Variants in ODC1 observed in about 807,000 individuals in gnomAD.
ODC1 encodes ornithine decarboxylase.
In ODC1, 18 loss-of-function variants were observed where a neutral mutation model predicts 41.5. The ratio of observed to expected loss-of-function variants is 0.43; its 90% CI spans 0.30 to 0.64. ODC1 has a LOEUF of 0.64. ODC1 is among the 30% of genes least tolerant of loss of function. The pLI is 0.11. For missense variants in ODC1, 504 were observed against 589.0 expected (o/e 0.86, Z 1.49); for synonymous variants, 218 against 211.6 (o/e 1.03, Z -0.26).
chr2:10,442,246 G>A, intron 8 of ODC1, 72 bp from the exon 9 acceptor site: 1 of 1,456,460 alleles, frequency 6.9e-7, no homozygotes, highest in Non-Finnish European at 9.3e-7. Flanking sequence ...TAACATCACA[G>A]GGCCTTGTGA....
intron 8 of ODC1, 36 bp from the exon 9 acceptor site, chr2:10,442,210 CA>C: frequency 1.3e-6 from 2 of 1,563,618 alleles, no homozygotes; most frequent in Non-Finnish European, 1.7e-6. Context: ...GAGCAGCCTT[CA>C]TTGTGGGAAA....
In ODC1 at chr2:10,443,474, G is replaced by A. The variant is rs1241770529; in HGVS notation, c.666+16C>T. ...GTTGTGTCCCGCCCTTCCCTAACAG[G>A]GTCACGTATACTCACCCCCATGTCA... On this transcript the variant is annotated intron_variant, in intron 7 of 11. Transcript: ENST00000234111. 1.2e-6 allele frequency: 2 copies of A among 1,611,018 alleles called. No homozygotes were observed. Among genetic ancestry groups the A allele is most frequent in the Admixed American group, 1.7e-5 (1 of 59,882 alleles).
rs1279117279 is a variant in ODC1 at position 10,445,279 on chromosome 2, A to G, written c.-127-15T>C. The stretch of plus-strand genomic sequence containing the variant: ...GCAGTGACAATCTGAGAAATAAAAT[A>G]GGGAATTTGCTGTCTACCTTAGGAA... On this transcript the variant is annotated splice_polypyrimidine_tract_variant and intron_variant, in intron 1 of 11. Transcript: ENST00000234111. 2 of 418,048 alleles carry G rather than the reference A, an allele frequency of 4.8e-6. No individual in the cohort carries two copies. The allele number at this position is 418,048 out of a possible 1,614,324, so 25.9% of individuals were successfully genotyped here.
intron 1 of ODC1, chr2:10,447,621 T>C (rs1201695781): frequency 6.6e-6 from 1 of 152,292 alleles, no homozygotes; most frequent in African/African-American, 2.4e-5. Context: ...ATCTTAGCTC[T>C]ACCCACTCTC....
In ODC1 at chr2:10,441,714, G is replaced by A; in HGVS notation, c.1036C>T (p.Pro346Ser). 6.2e-7 allele frequency: 1 copy of A among 1,614,156 alleles called. No homozygotes were observed. ...CTGGATGAATAATACTTCTCATCTGGTTTAGGTCTCTATATAAAGAGACGG... is the reference window on the plus strand; with the variant it reads ...CTGGATGAATAATACTTCTCATCTGATTTAGGTCTCTATATAAAGAGACGG... ...VKPLLQKRPKPDEKYYSSSIW... is the reference protein window; with the variant it reads ...VKPLLQKRPKSDEKYYSSSIW... The change falls in exon 11 of 12, where the codon CCA becomes TCA. Residue 346 changes from proline (P) to serine (S), a missense_variant. This residue lies in a region of ODC1 where 447 missense variants were observed against 524.4 expected (regional missense o/e 0.85). Transcript: ENST00000234111.
Position 10,441,832 on chromosome 2 carries a change from C to T in ODC1, c.1011G>A (p.Lys337=). The change falls in exon 10 of 12, where the codon AAG becomes AAA. Residue 337 remains lysine, a synonymous_variant. Transcript: ENST00000234111. ...CAGAAATTACCTTTTGCAGAAGGGG[C>T]TTTACATGTGCGTGGTCATAGAGTA... ...NCILYDHAHV[K]PLLQKRPKPD... 5 of 1,614,102 alleles carry T rather than the reference C, an allele frequency of 3.1e-6. No individual in the cohort carries two copies. The highest frequency in any genetic ancestry group is 4.2e-6 in the Non-Finnish European group (5 of 1,180,004).
At chr2:10,444,746 C>G in intron 3 of ODC1, 99 bp from the exon 4 acceptor site, 1 of 1,104,174 alleles carries the variant, frequency 9.1e-7, no homozygotes, top group Non-Finnish European at 1.3e-6. Context: ...ATGAATCCTG[C>G]TCTTTTGAGT....
At position 10,444,885 on chromosome 2, in the gene ODC1, C is replaced by T. The variant is rs375286431; in HGVS notation, c.102+46G>A. On this transcript the variant is annotated intron_variant, in intron 3 of 11. Coordinates refer to ENST00000234111, the MANE Select transcript of ODC1 (RefSeq NM_002539.3). ...AGACCTTGCCAAAGTTTTCCACTTG[C>T]CTGGCACTCTCAGCTGCACTGCCAG... The T allele has an allele frequency of 7.2e-6, 10 of 1,388,394 alleles. No individual in the cohort carries two copies. The African/African-American group carries it at 9.9e-5, about 14-fold the overall frequency. 86.0% of individuals were successfully genotyped at this position (1,388,394 alleles called of 1,614,324 possible). A position where few individuals can be genotyped will look rare whatever the true frequency, so the allele number is the denominator to read the frequency against.
At chr2:10,441,399 A>G in intron 11 of ODC1, 110 bp downstream of exon 11, 4 of 1,097,228 alleles carry the variant, frequency 3.6e-6, no homozygotes, top group Middle Eastern at 2.7e-4. Context: ...AAAAATATCC[A>G]TATATATTTA....
At position 10,444,508 on chromosome 2, in the gene ODC1, G is replaced by T. The variant is rs781109559; in HGVS notation, c.242C>A (p.Ala81Asp). 6.2e-7 allele frequency: 1 copy of T among 1,613,628 alleles called. No homozygotes were observed. The highest frequency in any genetic ancestry group is 1.7e-4 in the Middle Eastern group (1 of 5,826). The change falls in exon 4 of 12, where the codon GCT becomes GAT. Residue 81 changes from alanine to aspartate, a missense_variant. Physicochemically the swap from Ala to Asp is moderately radical, Grantham distance 126. Transcript: ENST00000234111. ...NDSKAIVKTL[A>D]ATGTGFDCAS... ...ACAGTCAAATCCTGTCCCGGTAGCA[G>T]CAAGGGTCTTCACGATGGCTTTGCT...
chr2:10,440,589 G>C lies in ODC1; in HGVS notation c.*135C>G, dbSNP rs1671787248. On this transcript the variant is annotated 3_prime_UTR_variant, in exon 12 of 12. Coordinates refer to ENST00000234111, the MANE Select transcript of ODC1 (RefSeq NM_002539.3). ...ACAGATAAGTGTGACCCATATCCTA[G>C]TCTTCCATATGGCTGCATCATGGCG... 2.6e-6 allele frequency: 2 copies of C among 775,070 alleles called. No homozygotes were observed. The highest frequency in any genetic ancestry group is 4.1e-6 in the Non-Finnish European group (2 of 489,042). 48.0% of individuals were successfully genotyped at this position (775,070 alleles called of 1,614,324 possible). A position where few individuals can be genotyped will look rare whatever the true frequency, so the allele number is the denominator to read the frequency against.
At chr2:10,444,707 G>A (rs1010581093) in intron 3 of ODC1, 60 bp from the exon 4 acceptor site, 2 of 1,447,408 alleles carry the variant, frequency 1.4e-6, no homozygotes, top group Non-Finnish European at 1.9e-6. Context: ...CACACCAATA[G>A]CCAGCGACCT....
chr2:10,442,885 AT>A (rs3832141), intron 8 of ODC1, among the ~76,000 whole-genome samples: 23,014 of 151,330 alleles, frequency 0.15, 2,265 homozygotes, highest in African/African-American at 0.26. Flanking sequence ...TAATTTTAAA[AT>A]TTTTTTTGTA....
In ODC1 at chr2:10,443,252, T is replaced by A. The variant is rs548307029; in HGVS notation, c.728A>T (p.Asp243Val). The A allele has an allele frequency of 1.2e-6, 2 of 1,612,332 alleles. No individual in the cohort carries two copies. Among genetic ancestry groups the A allele is most frequent in the East Asian group, 4.5e-5 (2 of 44,882 alleles). The change falls in exon 8 of 12, where the codon GAT (aspartate) becomes GTT (valine). Residue 243 changes from aspartate (D) to valine (V), a missense_variant. Asp to Val is a radical substitution (Grantham distance 152). Transcript: ENST00000234111. Reference protein sequence around the residue: ...DIGGGFPGSEDVKLKFEEITG... With the variant: ...DIGGGFPGSEVVKLKFEEITG... ...TACCTCTTCAAATTTAAGTTTCACA[T>A]CCTCAGATCCAGGAAAGCCACCGCC...
chr2:10,442,720 T>C (rs1671871862), intron 8 of ODC1, among the ~76,000 whole-genome samples: 1 of 151,804 alleles, frequency 6.6e-6, no homozygotes, highest in Admixed American at 6.6e-5. Context: ...GCTTTTTCTT[T>C]TTTTTTTTTG....
At chr2:10,442,577 T>A (rs28362404) in intron 8 of ODC1, among the ~76,000 whole-genome samples, 6 of 152,210 alleles carry the variant, frequency 3.9e-5, no homozygotes, top group Admixed American at 3.9e-4. Flanking sequence ...CAAGCACCAA[T>A]ATAATGGCTT....
At chr2:10,445,638 CTTT>C (rs1223904146) in intron 1 of ODC1, among the ~76,000 whole-genome samples, 1 of 152,112 alleles carries the variant, frequency 6.6e-6, no homozygotes, top group Non-Finnish European at 1.5e-5. Context: ...GCATTATAGA[CTTT>C]TTTATTTTTT....
rs1671782259 is a variant in ODC1, at chr2:10,440,420, CACA to C, written c.*301_*303del. 2 of 240,756 alleles carry C rather than the reference CACA, an allele frequency of 8.3e-6. No homozygotes were observed. The highest frequency in any genetic ancestry group is 8.0e-6 in the Non-Finnish European group (1 of 124,892). 14.9% of individuals were successfully genotyped at this position (240,756 alleles called of 1,614,324 possible). A position where few individuals can be genotyped will look rare whatever the true frequency, so the allele number is the denominator to read the frequency against. ...AAGATACTTTATTTTAAAAACAGGT[CACA>C]ACACTAAGCTTTTGGCCCATTCTGC... On this transcript the variant is annotated 3_prime_UTR_variant, in exon 12 of 12. Transcript: ENST00000234111.
At chr2:10,441,004 T>C in intron 11 of ODC1, 136 bp from the exon 12 acceptor site, 1 of 964,896 alleles carries the variant, frequency 1.0e-6, no homozygotes, top group Non-Finnish European at 1.5e-6. Context: ...TTACTCAGGC[T>C]GGAATACAAT....
Sources: allele counts gnomAD v4.1 joint callset (sites outside exome capture counted in the v4.1 genomes callset), GRCh38; gene constraint gnomAD v4.1.1; regional missense constraint gnomAD v4.1.1; transcripts MANE v1.5; gene names NCBI Gene and HGNC (gene_info 2026-07-23, HGNC 2026-07-21).